Variants in RALGPS1 observed in about 807,000 individuals in gnomAD.
RALGPS1 encodes the protein Ral GEF with PH domain and SH3 binding motif 1.
RALGPS1 carries 19 observed loss-of-function variants against 78.8 expected under a neutral mutation model. The ratio of observed to expected loss-of-function variants is 0.24; its 90% CI spans 0.17 to 0.35. RALGPS1 has a LOEUF of 0.35. Among genes scored for constraint, RALGPS1 ranks in the 10% least tolerant of loss-of-function variants. The pLI, the probability that RALGPS1 is intolerant of heterozygous loss-of-function variation, is 1.00. For missense variants in RALGPS1, 454 were observed against 688.3 expected (o/e 0.66, Z 3.81); for synonymous variants, 228 against 256.3 (o/e 0.89, Z 1.06).
At chr9:126,972,323 G>T (rs1024346517) in intron 3 of RALGPS1, among the ~76,000 whole-genome samples, 14 of 152,186 alleles carry the variant, frequency 9.2e-5, no homozygotes, top group African/African-American at 3.4e-4. Flanking sequence ...TGGTAAATAT[G>T]AGGAAAGAAT....
chr9:126,937,704 A>G (rs2036392555), intron 1 of RALGPS1, among the ~76,000 whole-genome samples: 1 of 152,160 alleles, frequency 6.6e-6, no homozygotes, highest in Non-Finnish European at 1.5e-5. Context: ...AGGAAGAAGG[A>G]TGTGCCCCTT....
At chr9:127,114,833 G>A (rs756062355) in intron 8 of RALGPS1, among the ~76,000 whole-genome samples, 6 of 152,260 alleles carry the variant, frequency 3.9e-5, no homozygotes, top group Non-Finnish European at 7.3e-5. Flanking sequence ...CTGTGCTTGA[G>A]TGAGTCTGGT....
chr9:126,952,703 G>T (rs900421333), intron 1 of RALGPS1, among the ~76,000 whole-genome samples: 1 of 146,358 alleles, frequency 6.8e-6, no homozygotes, highest in African/African-American at 2.4e-5. Context: ...GTGTCTGTGC[G>T]CATGTGCATG....
intron 8 of RALGPS1, among the ~76,000 whole-genome samples, chr9:127,156,277 C>T (rs1413079103): frequency 1.3e-5 from 2 of 152,120 alleles, no homozygotes; most frequent in Non-Finnish European, 2.9e-5. Flanking sequence ...AGTATTGCTG[C>T]AATTTGTAGT....
chr9:127,162,417 T>C (rs577214444), intron 8 of RALGPS1, among the ~76,000 whole-genome samples: 1 of 152,368 alleles, frequency 6.6e-6, no homozygotes, highest in African/African-American at 2.4e-5. Context: ...TGTTGTGGAC[T>C]AATACAGTAC....
chr9:127,034,003 G>A (rs577168052), intron 4 of RALGPS1, among the ~76,000 whole-genome samples: 1 of 152,300 alleles, frequency 6.6e-6, no homozygotes, highest in African/African-American at 2.4e-5. Context: ...CTCACACCAG[G>A]AATGGATGAT....
intron 8 of RALGPS1, among the ~76,000 whole-genome samples, chr9:127,085,049 T>A (rs558091182): frequency 2.0e-5 from 3 of 152,306 alleles, no homozygotes; most frequent in Admixed American, 2.0e-4. Flanking sequence ...CCATTACCAT[T>A]GTTTTCAGTA....
At chr9:127,215,794 G>A (rs2062545309) in intron 18 of RALGPS1, among the ~76,000 whole-genome samples, 1 of 152,228 alleles carries the variant, frequency 6.6e-6, no homozygotes, top group South Asian at 2.1e-4. Flanking sequence ...GGGGTCAGGT[G>A]GGCAGCACTG....
intron 1 of RALGPS1, among the ~76,000 whole-genome samples, chr9:126,954,190 A>G (rs551373112): frequency 6.6e-6 from 1 of 152,276 alleles, no homozygotes; most frequent in East Asian, 1.9e-4. Context: ...CGAATGAACT[A>G]CCAAGCAGTG....
intron 4 of RALGPS1, among the ~76,000 whole-genome samples, chr9:127,002,433 C>CTTTTTTT (rs11380006): frequency 6.8e-5 from 8 of 117,398 alleles, no homozygotes; most frequent in Non-Finnish European, 1.3e-4. Context: ...CACAAACATT[C>CTTTTTTT]TTTTTTTTTT....
intron 8 of RALGPS1, chr9:127,093,704 C>T (rs2052759099): frequency 3.1e-6 from 5 of 1,610,856 alleles, no homozygotes; most frequent in Non-Finnish European, 4.2e-6. Context: ...ACCTTGTGGG[C>T]AGCACAGACA....
chr9:126,940,192 G>A (rs1456573931), intron 1 of RALGPS1, among the ~76,000 whole-genome samples: 3 of 152,040 alleles, frequency 2.0e-5, no homozygotes, highest in Non-Finnish European at 2.9e-5. Flanking sequence ...ATGAATCTGT[G>A]CTGCCCAGCC....
intron 1 of RALGPS1, among the ~76,000 whole-genome samples, chr9:126,939,666 A>C (rs2036574884): frequency 6.6e-6 from 1 of 152,238 alleles, no homozygotes; most frequent in Admixed American, 6.5e-5. Flanking sequence ...CAGGATTCAA[A>C]CCCAGGACAG....
At chr9:127,016,392 C>T (rs1406884912) in intron 4 of RALGPS1, among the ~76,000 whole-genome samples, 1 of 152,198 alleles carries the variant, frequency 6.6e-6, no homozygotes, top group Non-Finnish European at 1.5e-5. Flanking sequence ...CAAAGACCAT[C>T]TGGTGCTGCT....
chr9:126,950,499 G>A (rs141116495), intron 1 of RALGPS1, among the ~76,000 whole-genome samples: 1,700 of 152,236 alleles, frequency 0.011, 31 homozygotes, highest in African/African-American at 0.039. Flanking sequence ...TTGAGCAGTG[G>A]TTTGTAGAAA....
chr9:126,946,721 T>TA (rs1033762384), intron 1 of RALGPS1, among the ~76,000 whole-genome samples: 1 of 151,898 alleles, frequency 6.6e-6, no homozygotes, highest in African/African-American at 2.4e-5. Context: ...GGGTATCTGG[T>TA]ATGTCTGAGG....
chr9:127,198,385 C>T (rs996427953), intron 13 of RALGPS1, among the ~76,000 whole-genome samples: 1 of 152,182 alleles, frequency 6.6e-6, no homozygotes. Flanking sequence ...CGCATGGATG[C>T]TTGGGTGAGA....
chr9:127,059,752 G>A (rs2049041409), intron 7 of RALGPS1, among the ~76,000 whole-genome samples: 1 of 151,966 alleles, frequency 6.6e-6, no homozygotes, highest in Admixed American at 6.5e-5. Flanking sequence ...CTGCTTGCAT[G>A]TTCCTTTGAC....
At chr9:126,997,335 G>T (rs1242036950) in intron 4 of RALGPS1, among the ~76,000 whole-genome samples, 1 of 152,142 alleles carries the variant, frequency 6.6e-6, no homozygotes, top group South Asian at 2.1e-4. Flanking sequence ...AAAGTCTCAG[G>T]ATTCAAAATC....
Sources: gnomAD v4.1 joint callset for allele counts (sites outside exome capture counted in the v4.1 genomes callset) on GRCh38, gnomAD v4.1.1 for gene constraint, MANE v1.5 for transcripts, NCBI Gene and HGNC (gene_info 2026-07-23, HGNC 2026-07-21) for gene names.